Variants in LRP1B observed in about 807,000 individuals in gnomAD.
LRP1B encodes low-density lipoprotein receptor-related protein 1B.
In LRP1B, 217 loss-of-function variants were observed where a neutral mutation model predicts 556.6. The observed-to-expected ratio is 0.39, with a 90% confidence interval of 0.35 to 0.44. The LOEUF is 0.44. Among genes scored for constraint, LRP1B ranks in the 20% least tolerant of loss-of-function variants. The pLI is 1.00. For synonymous variants in LRP1B, 2,047 were observed against 1,865.8 expected (o/e 1.10, Z -2.50); for missense variants, 5,053 against 5,620.8 (o/e 0.90, Z 3.23).
intron 3 of LRP1B, among the ~76,000 whole-genome samples, chr2:141,434,412 T>C (rs1395076986): frequency 6.6e-6 from 1 of 152,180 alleles, no homozygotes; most frequent in Non-Finnish European, 1.5e-5. Flanking sequence ...TTTGCACTTT[T>C]CAACTGCAGA....
chr2:140,910,720 A>T (rs1020239547), intron 21 of LRP1B, among the ~76,000 whole-genome samples: 2 of 151,892 alleles, frequency 1.3e-5, no homozygotes, highest in African/African-American at 4.8e-5. Flanking sequence ...CAATTAAAAA[A>T]GGTAAACTAA....
chr2:140,356,225 C>T (rs892550882), intron 75 of LRP1B, 117 bp downstream of exon 75: 7 of 1,054,620 alleles, frequency 6.6e-6, no homozygotes, highest in African/African-American at 4.9e-5. Context: ...AATGGTATCC[C>T]GTAGATACAC....
intron 3 of LRP1B, among the ~76,000 whole-genome samples, chr2:141,294,932 GTAA>G (rs1201405733): frequency 4.0e-5 from 6 of 151,842 alleles, no homozygotes; most frequent in Admixed American, 2.6e-4. Flanking sequence ...ATTTAAAAAG[GTAA>G]TAATAATTTG....
At chr2:141,050,404 A>G (rs1336742567) in intron 10 of LRP1B, among the ~76,000 whole-genome samples, 2 of 152,114 alleles carry the variant, frequency 1.3e-5, no homozygotes, top group African/African-American at 4.8e-5. Context: ...GATAGCATAC[A>G]TGCACCATGG....
intron 2 of LRP1B, among the ~76,000 whole-genome samples, chr2:141,619,044 A>G (rs186686214): frequency 6.6e-6 from 1 of 152,222 alleles, no homozygotes; most frequent in African/African-American, 2.4e-5. Flanking sequence ...TGTCTTGAAC[A>G]GAGTAACTCA....
intron 3 of LRP1B, among the ~76,000 whole-genome samples, chr2:141,392,056 G>A (rs1456419361): frequency 6.6e-6 from 1 of 152,254 alleles, no homozygotes; most frequent in East Asian, 1.9e-4. Flanking sequence ...GGTGTTTGAT[G>A]CTATGTAAAA....
At chr2:142,112,454 GAT>G (rs1574698197) in intron 1 of LRP1B, among the ~76,000 whole-genome samples, 1 of 152,134 alleles carries the variant, frequency 6.6e-6, no homozygotes, top group East Asian at 1.9e-4. Flanking sequence ...AGCCATAAAA[GAT>G]AGAGAAAATT....
chr2:142,031,744 C>A (rs574811492), intron 1 of LRP1B, among the ~76,000 whole-genome samples: 2 of 151,638 alleles, frequency 1.3e-5, no homozygotes, highest in African/African-American at 2.4e-5. Flanking sequence ...TTGAATTGTG[C>A]CCCTGATTTT....
intron 1 of LRP1B, among the ~76,000 whole-genome samples, chr2:142,124,568 A>G (rs1707571698): frequency 6.7e-6 from 1 of 149,018 alleles, no homozygotes; most frequent in Non-Finnish European, 1.5e-5. Flanking sequence ...AGAAATACAA[A>G]TTCAGTTAAA....
intron 1 of LRP1B, among the ~76,000 whole-genome samples, chr2:141,944,966 C>T (rs1189935465): frequency 6.6e-6 from 1 of 152,036 alleles, no homozygotes. Flanking sequence ...ATATGTTTTT[C>T]TTATTTTCAG....
At chr2:140,705,978 C>A (rs1686823417) in intron 37 of LRP1B, among the ~76,000 whole-genome samples, 1 of 151,942 alleles carries the variant, frequency 6.6e-6, no homozygotes, top group African/African-American at 2.4e-5. Flanking sequence ...GAATTTGCAC[C>A]TTGAGAAACT....
chr2:140,660,679 G>A (rs555422424), intron 41 of LRP1B, among the ~76,000 whole-genome samples: 23 of 152,070 alleles, frequency 1.5e-4, no homozygotes, highest in Middle Eastern at 6.8e-3. Context: ...TGAAACTCAC[G>A]TCTTTCTTTT....
chr2:141,890,088 C>A (rs1403927203), intron 1 of LRP1B, among the ~76,000 whole-genome samples: 12 of 151,500 alleles, frequency 7.9e-5, no homozygotes, highest in African/African-American at 9.7e-5. Flanking sequence ...CTTAATCTGG[C>A]TAATTCCAAG....
At chr2:140,392,881 T>C (rs1357223466) in intron 66 of LRP1B, among the ~76,000 whole-genome samples, 1 of 152,098 alleles carries the variant, frequency 6.6e-6, no homozygotes, top group African/African-American at 2.4e-5. Context: ...ACAAAGTTTT[T>C]CCACTAATAT....
chr2:141,760,611 TAAC>T (rs1202488405), intron 2 of LRP1B, among the ~76,000 whole-genome samples: 2 of 152,212 alleles, frequency 1.3e-5, no homozygotes, highest in African/African-American at 4.8e-5. Context: ...ACTATACACT[TAAC>T]AAAAGAAAGC....
chr2:140,929,417 T>C (rs1384922429), intron 20 of LRP1B, among the ~76,000 whole-genome samples: 1 of 152,066 alleles, frequency 6.6e-6, no homozygotes, highest in Non-Finnish European at 1.5e-5. Context: ...AAAGATTTTC[T>C]GCACAAAGCC....
At chr2:140,902,550 A>C (rs2105221512) in intron 23 of LRP1B, among the ~76,000 whole-genome samples, 1 of 152,282 alleles carries the variant, frequency 6.6e-6, no homozygotes, top group Non-Finnish European at 1.5e-5. Context: ...CCAGAGCAAG[A>C]AATTGTTTTC....
rs188190988 is a variant in LRP1B, at chr2:141,204,763, C to A, written c.851-16180G>T. Among the ~76,000 whole-genome samples, 787 of 151,982 alleles carry A rather than the reference C, an allele frequency of 5.2e-3. 5 individuals are homozygous for A. Among genetic ancestry groups the A allele is most frequent in the African/African-American group, 0.018 (757 of 41,438 alleles). Reference sequence around the variant, plus strand: ...GACCAGCTGGCCAAGATGGTGAAACCCCGTCTCTACTAAAAATACAAAAAT... The same window carrying A: ...GACCAGCTGGCCAAGATGGTGAAACACCGTCTCTACTAAAAATACAAAAAT... On this transcript the variant is annotated intron_variant, in intron 6 of 90. Transcript: ENST00000389484.
intron 6 of LRP1B, among the ~76,000 whole-genome samples, chr2:141,221,029 T>C (rs1277170107): frequency 1.3e-5 from 2 of 152,086 alleles, no homozygotes; most frequent in Non-Finnish European, 2.9e-5. Context: ...CCAGTTAGCA[T>C]CATGATGACA....
Sources: allele counts gnomAD v4.1 joint callset (sites outside exome capture counted in the v4.1 genomes callset), GRCh38; gene constraint gnomAD v4.1.1; transcripts MANE v1.5; gene names NCBI Gene and HGNC (gene_info 2026-07-23, HGNC 2026-07-21).